Variants in SPATA17 observed in about 807,000 individuals in gnomAD.
SPATA17 encodes the protein spermatogenesis-associated protein 17.
In SPATA17, 53 loss-of-function variants were observed where a neutral mutation model predicts 62.2. That is an observed-to-expected ratio of 0.85 (90% confidence interval 0.68 to 1.07). The LOEUF is 1.07. Ranked by LOEUF, SPATA17 falls within the 50% of genes least tolerant of loss-of-function variation. SPATA17 has a pLI of 0.00. For synonymous variants in SPATA17, 146 were observed against 146.8 expected, an observed-to-expected ratio of 0.99 and a Z score of 0.04; for missense variants, 466 against 425.5, an observed-to-expected ratio of 1.10 and a Z score of -0.84.
At chr1:217,751,931 G>A (rs942632283) in intron 6 of SPATA17, among the ~76,000 whole-genome samples, 1 of 152,138 alleles carries the variant, frequency 6.6e-6, no homozygotes, top group Non-Finnish European at 1.5e-5. Context: ...CCCCTTATGT[G>A]TGACTGGGGA....
intron 9 of SPATA17, among the ~76,000 whole-genome samples, chr1:217,818,438 T>G (rs1674775964): frequency 6.6e-6 from 1 of 152,100 alleles, no homozygotes. Flanking sequence ...ACTACAGACC[T>G]ACGGTATATG....
chr1:217,791,620 T>C (rs905928484), intron 8 of SPATA17, among the ~76,000 whole-genome samples: 4 of 152,212 alleles, frequency 2.6e-5, no homozygotes, highest in Non-Finnish European at 5.9e-5. Context: ...CTATACAGTT[T>C]GATAATTTGG....
chr1:217,683,377 A>T lies in SPATA17; in HGVS notation c.395+16A>T. ...ATGCAATTAGGTAAGTAGTGCAATC[A>T]TCCATTCACTAGGGAAAACTTTGGA... is the stretch of plus-strand genomic sequence containing the variant. On this transcript the variant is annotated intron_variant, in intron 5 of 10. Transcript: ENST00000366933. The T allele has an allele frequency of 6.7e-7, 1 of 1,486,010 alleles. No homozygotes were observed. Among genetic ancestry groups the T allele is most frequent in the Non-Finnish European group, 9.4e-7 (1 of 1,067,160 alleles). The allele number at this position is 1,486,010 out of a possible 1,614,324, so 92.1% of individuals were successfully genotyped here.
In SPATA17 at chr1:217,645,536, A is replaced by T. The variant is rs73107321; in HGVS notation, c.69-3346A>T. On this transcript the variant is annotated intron_variant, in intron 1 of 10. Transcript: ENST00000366933. ...AATTTAAATGGACTATATTAAGAAGATGAAAAACAAATCTGGTATAGTTTG... is the reference window on the plus strand; with the variant it reads ...AATTTAAATGGACTATATTAAGAAGTTGAAAAACAAATCTGGTATAGTTTG... Among the ~76,000 whole-genome samples, 801 of 152,306 alleles carry T rather than the reference A, an allele frequency of 5.3e-3. 8 individuals carry two copies. Among genetic ancestry groups the T allele is most frequent in the African/African-American group, 0.018 (762 of 41,582 alleles).
intron 1 of SPATA17, among the ~76,000 whole-genome samples, chr1:217,639,092 G>C (rs150160063): frequency 9.3e-4 from 142 of 152,160 alleles, no homozygotes; most frequent in African/African-American, 3.0e-3. Flanking sequence ...GTATGGCTTA[G>C]AATAGAAAGG....
intron 9 of SPATA17, among the ~76,000 whole-genome samples, chr1:217,837,898 G>A (rs1222721996): frequency 6.6e-6 from 1 of 152,092 alleles, no homozygotes; most frequent in Admixed American, 6.6e-5. Flanking sequence ...GAGAAAGAAA[G>A]CTCCACATTC....
At chr1:217,711,808 GT>G (rs1671871539) in intron 5 of SPATA17, among the ~76,000 whole-genome samples, 1 of 152,152 alleles carries the variant, frequency 6.6e-6, no homozygotes, top group African/African-American at 2.4e-5. Flanking sequence ...ACTATAATAC[GT>G]TTCCAAGAAA....
At chr1:217,723,607 A>T (rs191413791) in intron 5 of SPATA17, among the ~76,000 whole-genome samples, 2 of 152,216 alleles carry the variant, frequency 1.3e-5, no homozygotes, top group African/African-American at 4.8e-5. Context: ...TACTTGAAAC[A>T]TAGTGGGAAC....
rs973057219 is a variant in SPATA17, at chr1:217,870,168, C to A, written c.*3149C>A. ...ATGGTAGCCATGGCCCCTGACTGAA[C>A]CCAGGTATGAATGGCCTTCATTGAT... On this transcript the variant is annotated 3_prime_UTR_variant, in exon 11 of 11. Coordinates refer to ENST00000366933, the MANE Select transcript of SPATA17 (RefSeq NM_138796.4). 1.3e-5 allele frequency: 2 copies of A among 152,080 alleles called. No homozygotes were observed. Among genetic ancestry groups the A allele is most frequent in the African/African-American group, 4.8e-5 (2 of 41,394 alleles). 9.4% of individuals were successfully genotyped at this position (152,080 alleles called of 1,614,324 possible).
intron 9 of SPATA17, among the ~76,000 whole-genome samples, chr1:217,853,944 G>A (rs1675719411): frequency 6.6e-6 from 1 of 152,120 alleles, no homozygotes; most frequent in Non-Finnish European, 1.5e-5. Flanking sequence ...ATTTAAAGGA[G>A]TTTAATTGAG....
At chr1:217,698,163 G>A (rs571814715) in intron 5 of SPATA17, among the ~76,000 whole-genome samples, 2 of 152,184 alleles carry the variant, frequency 1.3e-5, no homozygotes, top group South Asian at 4.2e-4. Context: ...ATCAGGCTGG[G>A]CACAGTGGCT....
At chr1:217,758,727 G>A (rs959774466) in intron 6 of SPATA17, among the ~76,000 whole-genome samples, 1 of 152,198 alleles carries the variant, frequency 6.6e-6, no homozygotes, top group Admixed American at 6.5e-5. Context: ...AACTAAGTGA[G>A]GGTGAAAAGG....
chr1:217,741,863 T>G (rs974846917), intron 5 of SPATA17, 112 bp from the exon 6 acceptor site: 5 of 1,145,532 alleles, frequency 4.4e-6, no homozygotes, highest in South Asian at 3.0e-5. Context: ...CACCACTGAT[T>G]TGGATGGATA....
chr1:217,647,942 C>T (rs1278160760), intron 1 of SPATA17, among the ~76,000 whole-genome samples: 2 of 151,956 alleles, frequency 1.3e-5, no homozygotes, highest in East Asian at 1.9e-4. Flanking sequence ...AGGCTAGTCT[C>T]GAAATCCTGA....
intron 5 of SPATA17, among the ~76,000 whole-genome samples, chr1:217,733,908 T>A: frequency 6.6e-6 from 1 of 152,334 alleles, no homozygotes; most frequent in Middle Eastern, 3.4e-3. Context: ...AATATTTCAT[T>A]TTAAACGTAT....
intron 3 of SPATA17, among the ~76,000 whole-genome samples, chr1:217,657,263 G>T (rs1670466357): frequency 6.6e-6 from 1 of 152,140 alleles, no homozygotes; most frequent in Admixed American, 6.6e-5. Context: ...ATGCTGCATT[G>T]CTTCCTTTCA....
chr1:217,683,973 A>G (rs1671161434), intron 5 of SPATA17, among the ~76,000 whole-genome samples: 1 of 152,154 alleles, frequency 6.6e-6, no homozygotes, highest in African/African-American at 2.4e-5. Context: ...TTTATCTGTA[A>G]AACGATCTAG....
intron 6 of SPATA17, among the ~76,000 whole-genome samples, chr1:217,770,226 C>T (rs141191256): frequency 1.3e-5 from 2 of 152,124 alleles, no homozygotes; most frequent in African/African-American, 2.4e-5. Context: ...AGAACTGTTT[C>T]TCTCTCGTGG....
At chr1:217,655,011 T>C (rs1670410194) in intron 3 of SPATA17, among the ~76,000 whole-genome samples, 1 of 152,132 alleles carries the variant, frequency 6.6e-6, no homozygotes, top group African/African-American at 2.4e-5. Context: ...CACCCAGCCC[T>C]ACATAATCTT....
Sources: allele counts gnomAD v4.1 joint callset (sites outside exome capture counted in the v4.1 genomes callset), GRCh38; gene constraint gnomAD v4.1.1; transcripts MANE v1.5; gene names NCBI Gene and HGNC (gene_info 2026-07-23, HGNC 2026-07-21).